The following TLK1 variants were observed in gnomAD, a reference collection of about 807,000 sequenced individuals.
The protein encoded by TLK1 is serine/threonine-protein kinase tousled-like 1.
In TLK1, 24 loss-of-function variants were observed where a neutral mutation model predicts 105.3. The ratio of observed to expected loss-of-function variants is 0.23; its 90% CI spans 0.17 to 0.32. The LOEUF (loss-of-function observed/expected upper bound fraction) is 0.32. Ranked by LOEUF, TLK1 falls within the 10% of genes least tolerant of loss-of-function variation. TLK1 has a pLI of 1.00. For synonymous variants in TLK1, 321 were observed against 310.4 expected (o/e 1.03, Z -0.36); for missense variants, 558 against 910.5 (o/e 0.61, Z 4.98).
chr2:171,065,082 C>T (rs1186212143), intron 3 of TLK1, among the ~76,000 whole-genome samples: 5 of 151,970 alleles, frequency 3.3e-5, no homozygotes, highest in Admixed American at 3.3e-4. Context: ...AACATAAGAA[C>T]ACATGAATCT....
chr2:171,163,886 C>T (rs770652910), upstream of TLK1, among the ~76,000 whole-genome samples: 9 of 151,980 alleles, frequency 5.9e-5, no homozygotes, highest in Middle Eastern at 3.2e-3. Flanking sequence ...TCACAATGCC[C>T]GGCTAATTTT....
intron 1 of TLK1, among the ~76,000 whole-genome samples, chr2:171,194,716 C>T (rs983835176): frequency 6.8e-6 from 1 of 147,904 alleles, no homozygotes; most frequent in Non-Finnish European, 1.5e-5. Context: ...ACTCCGGAGG[C>T]TGAGGCAGGA....
intron 1 of TLK1, among the ~76,000 whole-genome samples, chr2:171,205,671 C>T (rs1208406627): frequency 6.6e-6 from 1 of 152,166 alleles, no homozygotes; most frequent in Non-Finnish European, 1.5e-5. Flanking sequence ...TCAGGTGGTT[C>T]TACAGTAGAT....
rs768792758 is a variant in TLK1, at chr2:171,131,268, T to C, written c.140-13411A>G. 1.2e-4 allele frequency among the ~76,000 whole-genome samples: 18 copies of C among 152,326 alleles called. No homozygotes were observed. In the East Asian group the frequency reaches 2.5e-3, roughly 21 times the overall value. On this transcript the variant is annotated intron_variant, in intron 1 of 20. Transcript: ENST00000431350. ...ACTCAACCATTTTTAATCTATAAAA[T>C]AGGTTCATATGGTTCAACCTAATAC...
intron 12 of TLK1, among the ~76,000 whole-genome samples, chr2:171,022,596 T>C (rs1475810793): frequency 6.6e-6 from 1 of 152,222 alleles, no homozygotes; most frequent in East Asian, 1.9e-4. Flanking sequence ...ATGTACAATG[T>C]AGTTGGCTTT....
chr2:171,133,597 T>C (rs984910167), intron 1 of TLK1, among the ~76,000 whole-genome samples: 1 of 151,988 alleles, frequency 6.6e-6, no homozygotes, highest in African/African-American at 2.4e-5. Flanking sequence ...AGACCCTGTC[T>C]AAAATAATAT....
intron 11 of TLK1, among the ~76,000 whole-genome samples, chr2:171,032,544 G>C (rs768897595): frequency 5.9e-5 from 9 of 152,162 alleles, no homozygotes; most frequent in Non-Finnish European, 1.3e-4. Flanking sequence ...CCCAGGAGGT[G>C]AAAGACTTGC....
intron 11 of TLK1, among the ~76,000 whole-genome samples, chr2:171,034,076 T>TTAG (rs1686196790): frequency 6.6e-6 from 1 of 152,172 alleles, no homozygotes; most frequent in African/African-American, 2.4e-5. Flanking sequence ...AGATATCACT[T>TTAG]TACACCCACT....
intron 12 of TLK1, 99 bp downstream of exon 12, chr2:171,028,240 C>A: frequency 2.5e-6 from 2 of 799,428 alleles, no homozygotes; most frequent in East Asian, 2.6e-5. Context: ...AAATCTTACT[C>A]TCTTAAATTT....
intron 4 of TLK1, among the ~76,000 whole-genome samples, chr2:171,059,247 A>G (rs1207691967): frequency 1.3e-5 from 2 of 152,222 alleles, no homozygotes; most frequent in East Asian, 1.9e-4. Flanking sequence ...CTAAAGAGGT[A>G]CTATATTTTA....
At chr2:171,075,152 T>C (rs1303486783) in intron 3 of TLK1, among the ~76,000 whole-genome samples, 1 of 152,018 alleles carries the variant, frequency 6.6e-6, no homozygotes, top group Non-Finnish European at 1.5e-5. Context: ...TAAGCACTAG[T>C]GCTTAGAATA....
At chr2:170,999,456 T>C (rs896264831) in intron 18 of TLK1, among the ~76,000 whole-genome samples, 2 of 152,298 alleles carry the variant, frequency 1.3e-5, no homozygotes, top group African/African-American at 4.8e-5. Context: ...CTTGTAAAGA[T>C]TAAGCTATAC....
chr2:171,019,645 A>G (rs1685386434), intron 12 of TLK1, among the ~76,000 whole-genome samples: 1 of 152,214 alleles, frequency 6.6e-6, no homozygotes, highest in African/African-American at 2.4e-5. Flanking sequence ...AACAGGAAGT[A>G]TTTTGATGTA....
chr2:171,020,387 T>C (rs890311936), intron 12 of TLK1, among the ~76,000 whole-genome samples: 2 of 151,454 alleles, frequency 1.3e-5, no homozygotes, highest in Admixed American at 6.6e-5. Flanking sequence ...TAAAAATATA[T>C]AAATTAGCCG....
intron 18 of TLK1, among the ~76,000 whole-genome samples, chr2:171,002,827 G>C (rs1225705792): frequency 6.6e-6 from 1 of 151,422 alleles, no homozygotes; most frequent in Non-Finnish European, 1.5e-5. Flanking sequence ...TGCAGAGATG[G>C]GGTTTTGCCA....
chr2:171,117,983 CG>C (rs1690505261), intron 1 of TLK1, 126 bp from the exon 2 acceptor site: 1 of 536,702 alleles, frequency 1.9e-6, no homozygotes, highest in African/African-American at 2.0e-5. Context: ...TACAAGCAGA[CG>C]AAATTGAGAG....
At chr2:171,037,184 G>A (rs1301977313) in intron 11 of TLK1, among the ~76,000 whole-genome samples, 2 of 152,136 alleles carry the variant, frequency 1.3e-5, no homozygotes, top group Non-Finnish European at 2.9e-5. Flanking sequence ...GCTCACGCTT[G>A]TAATCCAAGC....
At chr2:171,045,893 T>C (rs1686941226) in intron 11 of TLK1, 1 of 302,666 alleles carries the variant, frequency 3.3e-6, no homozygotes, top group Non-Finnish European at 6.0e-6. Context: ...TCCAAAACTT[T>C]TAATTGATTC....
intron 1 of TLK1, among the ~76,000 whole-genome samples, chr2:171,215,368 A>T (rs924795568): frequency 4.6e-5 from 7 of 152,234 alleles, no homozygotes; most frequent in Non-Finnish European, 8.8e-5. Context: ...AATACAGAAC[A>T]GAGTGCTCTT....
Sources: allele counts gnomAD v4.1 joint callset (sites outside exome capture counted in the v4.1 genomes callset), GRCh38; gene constraint gnomAD v4.1.1; transcripts MANE v1.5; gene names NCBI Gene and HGNC (gene_info 2026-07-23, HGNC 2026-07-21).